The following ADRA1D variants were observed in gnomAD, a reference collection of about 807,000 sequenced individuals.
The protein encoded by ADRA1D is alpha-1D adrenergic receptor.
Under a neutral mutation model 18.6 loss-of-function variants are expected in ADRA1D, and 22 were observed. The observed-to-expected ratio is 1.19, with a 90% CI of 0.85 to 1.69. ADRA1D has a LOEUF of 1.69. ADRA1D is among the 40% of genes most tolerant of loss of function. The probability of loss-of-function intolerance (pLI) is 0.00; values close to 1 mark genes in which losing one functional copy is unlikely to be tolerated. For missense variants in ADRA1D, 840 were observed against 840.7 expected, an observed-to-expected ratio of 1.00 and a Z score of 0.01; for synonymous variants, 376 against 388.2, an observed-to-expected ratio of 0.97 and a Z score of 0.37.
Position 4,221,901 on chromosome 20 carries a change from C to T in ADRA1D, c.1341G>A (p.Gln447=), listed in dbSNP as rs748844711. 1.3e-6 allele frequency: 2 copies of T among 1,521,504 alleles called. No homozygotes were observed. The highest frequency in any genetic ancestry group is 2.5e-5 in the East Asian group (1 of 39,510). The allele number at this position is 1,521,504 out of a possible 1,614,324, so 94.3% of individuals were successfully genotyped here. The change falls in exon 2 of 2, where the codon CAG becomes CAA. Residue 447 remains glutamine (Q), a synonymous_variant. Transcript: ENST00000379453. Reference sequence around the variant, plus strand: ...CGTCGCCCGAACTCGGGGCGCAGTCCTGGCGCAGGCCGCTGGTGGAGGCCC... The same window carrying T: ...CGTCGCCCGAACTCGGGGCGCAGTCTTGGCGCAGGCCGCTGGTGGAGGCCC... ...HWRASTSGLR[Q]DCAPSSGDAP... is the part of the protein sequence containing the mutation.
At chr20:4,234,771 A>AGAAGG (rs1162772523) in intron 1 of ADRA1D, among the ~76,000 whole-genome samples, 2 of 152,242 alleles carry the variant, frequency 1.3e-5, no homozygotes, top group Admixed American at 6.5e-5. Flanking sequence ...ACTTGAGCCA[A>AGAAGG]GACCTGAAGA....
intron 1 of ADRA1D, among the ~76,000 whole-genome samples, chr20:4,238,607 G>T (rs912430563): frequency 6.6e-6 from 1 of 152,328 alleles, no homozygotes; most frequent in South Asian, 2.1e-4. Context: ...GGGCTGCCTC[G>T]AGGCAGCAGC....
Position 4,221,621 on chromosome 20 carries a change from C to T in ADRA1D, c.1621G>A (p.Ala541Thr). 6.2e-7 allele frequency: 1 copy of T among 1,613,544 alleles called. No individual in the cohort carries two copies. The stretch of plus-strand genomic sequence containing the variant: ...TCGTGTGGGACGCCTAGGGACACAG[C>T]CTCCACCTCTGAGCGCTGGGCGCAC... ...AACAQRSEVE[A>T]VSLGVPHEVA... The change falls in exon 2 of 2, where the codon GCT becomes ACT. Residue 541 changes from alanine to threonine, a missense_variant. Coordinates refer to ENST00000379453, the MANE Select transcript of ADRA1D (RefSeq NM_000678.4).
chr20:4,224,766 TC>T (rs1228782013), intron 1 of ADRA1D, among the ~76,000 whole-genome samples: 3 of 100,176 alleles, frequency 3.0e-5, no homozygotes, highest in Non-Finnish European at 6.5e-5. Context: ...CCTCTTGCCT[TC>T]AAAAAAAAAA....
chr20:4,221,991 C>T lies in ADRA1D; in HGVS notation c.1251G>A (p.Leu417=), dbSNP rs1388260218. 1 of 1,580,620 alleles carries T rather than the reference C, an allele frequency of 6.3e-7. No homozygotes were observed. Among genetic ancestry groups the T allele is most frequent in the African/African-American group, 1.4e-5 (1 of 73,788 alleles). ...GCCGGCGACGACGGCACTGGCAGCG[C>T]AGGAGACGGAGGAAGGCGCGCTTGA... is the stretch of plus-strand genomic sequence containing the variant. ...REFKRAFLRL[L]RCQCRRRRRR... is the part of the protein sequence containing the mutation. Residue 417 remains leucine (L), a synonymous_variant, in exon 2 of 2, where the codon CTG becomes CTA. Transcript: ENST00000379453.
rs376322419 is a variant in ADRA1D at position 4,221,744 on chromosome 20, G to C, written c.1498C>G (p.Leu500Val). The C allele has an allele frequency of 1.1e-5, 18 of 1,602,774 alleles. No homozygotes were observed. In the East Asian group the frequency reaches 3.6e-4, roughly 32 times the overall value. The change falls in exon 2 of 2, where the codon CTG (leucine) becomes GTG (valine). Residue 500 changes from leucine to valine, a missense_variant. Leu to Val is a conservative substitution (Grantham distance 32). Coordinates refer to ENST00000379453, the MANE Select transcript of ADRA1D (RefSeq NM_000678.4). ...GTCGTGGGTCTCCGGAACGGCCCCA[G>C]CAGCCTCCACTCGCGGAAGGCGCTG... ...PPSAFREWRL[L>V]GPFRRPTTQL...
chr20:4,235,130 A>G (rs1981060035), intron 1 of ADRA1D, among the ~76,000 whole-genome samples: 1 of 152,184 alleles, frequency 6.6e-6, no homozygotes, highest in African/African-American at 2.4e-5. Context: ...GGTGAGAGGT[A>G]ACTGACAGGG....
In ADRA1D at chr20:4,248,130, G is replaced by T. The variant is rs1256200791; in HGVS notation, c.828C>A (p.Arg276=). 2 of 1,570,266 alleles carry T rather than the reference G, an allele frequency of 1.3e-6. No homozygotes were observed. The highest frequency in any genetic ancestry group is 1.7e-6 in the Non-Finnish European group (2 of 1,157,592). Residue 276 remains arginine, a synonymous_variant, in exon 1 of 2, where the codon CGC becomes CGA. Transcript: ENST00000379453. ...PMAVIVVMYC[R]VYVVARSTTR... The stretch of plus-strand genomic sequence containing the variant: ...TGGTGCTGCGCGCGACCACGTACAC[G>T]CGGCAGTACATGACCACGATGACCG...
At chr20:4,241,746 T>C (rs1981219210) in intron 1 of ADRA1D, among the ~76,000 whole-genome samples, 1 of 151,972 alleles carries the variant, frequency 6.6e-6, no homozygotes. Flanking sequence ...TGGAGATGAG[T>C]CCTTTAGCAC....
rs773479185 is a variant in ADRA1D, at chr20:4,222,172, G to T, written c.1112-42C>A. On this transcript the variant is annotated intron_variant, in intron 1 of 1. Transcript: ENST00000379453. This position sits in a 1 kb window ranked among gnomAD's most constrained non-coding sequence, Gnocchi z 4.3. ...CCGATACTATTTAGCTGCTTGGGGAGGGGGAGGCCAGGCGGCTCTGGGCGC... is the reference window on the plus strand; with the variant it reads ...CCGATACTATTTAGCTGCTTGGGGATGGGGAGGCCAGGCGGCTCTGGGCGC... The T allele has an allele frequency of 3.3e-5, 53 of 1,587,104 alleles. No individual in the cohort carries two copies. The South Asian group carries it at 4.7e-4, about 14-fold the overall frequency.
chr20:4,222,297 AAAT>A lies in ADRA1D; in HGVS notation c.1112-170_1112-168del, dbSNP rs1265997086. ...GAGGTCCATGAACTTGGATAGAGAA[AAAT>A]AATAATTGTTTTCACTCACCTCTAC... is the stretch of plus-strand genomic sequence containing the variant. On this transcript the variant is annotated intron_variant, in intron 1 of 1. Transcript: ENST00000379453. This position sits in a 1 kb window ranked among gnomAD's most constrained non-coding sequence, Gnocchi z 4.3. The A allele has an allele frequency of 2.2e-6, 2 of 921,602 alleles. No individual in the cohort carries two copies. The highest frequency in any genetic ancestry group is 3.6e-5 in the Admixed American group (1 of 27,418). 57.1% of individuals were successfully genotyped at this position (921,602 alleles called of 1,614,324 possible).
intron 1 of ADRA1D, among the ~76,000 whole-genome samples, chr20:4,233,868 A>G (rs1177622706): frequency 1.3e-5 from 2 of 152,132 alleles, no homozygotes; most frequent in Non-Finnish European, 2.9e-5. Flanking sequence ...GAGATGACCA[A>G]AAACAGAACT....
chr20:4,248,960 C>G lies in ADRA1D; in HGVS notation c.-3G>C. 7.4e-7 allele frequency: 1 copy of G among 1,353,448 alleles called. No homozygotes were observed. Among genetic ancestry groups the G allele is most frequent in the Non-Finnish European group, 9.6e-7 (1 of 1,041,700 alleles). The allele number at this position is 1,353,448 out of a possible 1,614,324, so 83.8% of individuals were successfully genotyped here. A position where few individuals can be genotyped will look rare whatever the true frequency, so the allele number is the denominator to read the frequency against. On this transcript the variant is annotated 5_prime_UTR_variant, in exon 1 of 2. An upstream open reading frame in the 5' UTR loses its in-frame stop. Coordinates refer to ENST00000379453, the MANE Select transcript of ADRA1D (RefSeq NM_000678.4). ...CTCAGGAGATCGCGGAAAGTCATCT[C>G]AACGCGCGGCCGTCGGTGGCCGGGC...
At chr20:4,243,837 T>C (rs1305624506) in intron 1 of ADRA1D, among the ~76,000 whole-genome samples, 2 of 152,192 alleles carry the variant, frequency 1.3e-5, no homozygotes, top group African/African-American at 4.8e-5. Flanking sequence ...GTTGACCCTC[T>C]GCCTGCCTTG....
intron 1 of ADRA1D, among the ~76,000 whole-genome samples, chr20:4,223,612 C>T (rs900257030): frequency 1.3e-5 from 2 of 152,156 alleles, no homozygotes; most frequent in Non-Finnish European, 2.9e-5. Flanking sequence ...GATGGTTCGA[C>T]TTAATTTTTT....
At position 4,222,127 on chromosome 20, in the gene ADRA1D, G is replaced by A; in HGVS notation, c.1115C>T (p.Ser372Phe). 6.2e-7 allele frequency: 1 copy of A among 1,612,364 alleles called. No individual in the cohort carries two copies. The highest frequency in any genetic ancestry group is 2.2e-5 in the East Asian group (1 of 44,574). The change falls in exon 2 of 2, where the codon TCC becomes TTC. Residue 372 changes from serine (S) to phenylalanine (F), a missense_variant. By Grantham distance (155) the Ser-to-Phe change is radical. Coordinates refer to ENST00000379453, the MANE Select transcript of ADRA1D (RefSeq NM_000678.4). This position sits in a 1 kb window ranked among gnomAD's most constrained non-coding sequence, Gnocchi z 4.3. ...FPFFFVLPLGSLFPQLKPSEG... is the reference protein window; with the variant it reads ...FPFFFVLPLGFLFPQLKPSEG... Reference sequence around the variant, plus strand: ...CGATGGCTTCAGCTGCGGGAACAAGGAGCCTGTAGGGAGCAGAGACCGATA... The same window carrying A: ...CGATGGCTTCAGCTGCGGGAACAAGAAGCCTGTAGGGAGCAGAGACCGATA...
Position 4,222,094 on chromosome 20 carries a change from A to G in ADRA1D, c.1148T>C (p.Val383Ala). 6.2e-7 allele frequency: 1 copy of G among 1,612,534 alleles called. No individual in the cohort carries two copies. Among genetic ancestry groups the G allele is most frequent in the South Asian group, 1.1e-5 (1 of 91,042 alleles). The change falls in exon 2 of 2, where the codon GTC becomes GCC. Residue 383 changes from valine to alanine, a missense_variant. Coordinates refer to ENST00000379453, the MANE Select transcript of ADRA1D (RefSeq NM_000678.4). This position sits in a 1 kb window ranked among gnomAD's most constrained non-coding sequence, Gnocchi z 4.3. The stretch of plus-strand genomic sequence containing the variant: ...GCCGAGCCAGAAGATGACCTTGAAG[A>G]CGCCCTCCGATGGCTTCAGCTGCGG... ...LFPQLKPSEG[V>A]FKVIFWLGYF...
chr20:4,246,526 C>T lies in ADRA1D; in HGVS notation c.1111+1321G>A, dbSNP rs2122679998. On this transcript the variant is annotated intron_variant, in intron 1 of 1. Coordinates refer to ENST00000379453, the MANE Select transcript of ADRA1D (RefSeq NM_000678.4). The stretch of plus-strand genomic sequence containing the variant: ...ACCAGAAAGGGTCAGAGGGGAGGAG[C>T]CCAGAGCAGAGGGAAGCGGCAAGAC... 2.0e-5 allele frequency among the ~76,000 whole-genome samples: 3 copies of T among 152,126 alleles called. No individual in the cohort carries two copies. In the Middle Eastern group the frequency reaches 0.01, roughly 517 times the overall value.
In ADRA1D at chr20:4,248,413, G is replaced by T; in HGVS notation, c.545C>A (p.Ala182Asp). Residue 182 changes from alanine (A) to aspartate (D), a missense_variant, in exon 1 of 2, where the codon GCC becomes GAC. Physicochemically the swap from Ala to Asp is moderately radical, Grantham distance 126 (BLOSUM62 -2). Coordinates refer to ENST00000379453, the MANE Select transcript of ADRA1D (RefSeq NM_000678.4). ...WAAVDVLCCT[A>D]SILSLCTISV... ...GATGGTGCAGAGGCTGAGGATGGAG[G>T]CCGTGCAGCACAGCACGTCCACGGC... 6.2e-7 allele frequency: 1 copy of T among 1,610,326 alleles called. No individual in the cohort carries two copies. Among genetic ancestry groups the T allele is most frequent in the Non-Finnish European group, 8.5e-7 (1 of 1,178,488 alleles).
Sources: gnomAD v4.1 joint callset for allele counts (sites outside exome capture counted in the v4.1 genomes callset) on GRCh38, gnomAD v4.1.1 for gene constraint, Gnocchi (gnomAD v3.1) non-coding constraint, MANE v1.5 for transcripts, NCBI Gene and HGNC (gene_info 2026-07-23, HGNC 2026-07-21) for gene names.